The following FBXO40 variants were observed in gnomAD, a reference collection of about 807,000 sequenced individuals.
FBXO40 encodes the protein F-box protein 40.
A neutral mutation model predicts 49.9 loss-of-function variants in FBXO40; 50 were observed. The observed-to-expected ratio is 1.00, with a 90% confidence interval of 0.80 to 1.27. The LOEUF (loss-of-function observed/expected upper bound fraction) is 1.27. FBXO40 is among the 50% of genes most tolerant of loss of function. FBXO40 has a pLI of 0.00. For synonymous variants in FBXO40, 340 were observed against 320.2 expected (o/e 1.06, Z -0.66); for missense variants, 895 against 870.1 (o/e 1.03, Z -0.36).
intron 2 of FBXO40, 86 bp from the exon 3 acceptor site, chr3:121,621,347 T>C (rs1208961718): frequency 2.5e-6 from 3 of 1,208,698 alleles, no homozygotes; most frequent in African/African-American, 1.5e-5. Flanking sequence ...ACAGGAAATA[T>C]GTCAATTAAA....
chr3:121,618,507 C>T (rs2108850002), intron 1 of FBXO40, among the ~76,000 whole-genome samples: 1 of 151,570 alleles, frequency 6.6e-6, no homozygotes, highest in South Asian at 2.1e-4. Context: ...CTGCCTCAGC[C>T]TCCCGAGTAG....
intron 1 of FBXO40, among the ~76,000 whole-genome samples, chr3:121,612,584 CAT>C (rs2048972026): frequency 6.6e-6 from 1 of 152,112 alleles, no homozygotes; most frequent in Non-Finnish European, 1.5e-5. Context: ...TTCTATCAAA[CAT>C]ATACAAGCGT....
chr3:121,623,816 G>A (rs1481472524), intron 3 of FBXO40, among the ~76,000 whole-genome samples: 2 of 149,924 alleles, frequency 1.3e-5, no homozygotes, highest in South Asian at 2.1e-4. Context: ...AGCCTCCCAA[G>A]TAGCTGGGAT....
Position 121,626,827 on chromosome 3 carries a change from A to G in FBXO40, c.2047A>G (p.Ser683Gly), listed in dbSNP as rs2049064006. The stretch of plus-strand genomic sequence containing the variant: ...CAAAACTGACCCGATTCTTTTGACT[A>G]GCATGTGTCAGCCCCGTGAGCAGGC... ...EHKTDPILLT[S>G]MCQPREQARE... Residue 683 changes from serine to glycine, a missense_variant, in exon 4 of 4, where the codon AGC becomes GGC. Transcript: ENST00000338040. 2 of 1,614,056 alleles carry G rather than the reference A, an allele frequency of 1.2e-6. No homozygotes were observed. Among genetic ancestry groups the G allele is most frequent in the Non-Finnish European group, 1.7e-6 (2 of 1,180,026 alleles).
chr3:121,607,517 G>A (rs1015670620), intron 1 of FBXO40, among the ~76,000 whole-genome samples: 1 of 151,744 alleles, frequency 6.6e-6, no homozygotes, highest in Non-Finnish European at 1.5e-5. Context: ...CACTGTGTTA[G>A]CCAGGATGGT....
At chr3:121,612,081 ATC>A (rs2048969263) in intron 1 of FBXO40, among the ~76,000 whole-genome samples, 1 of 152,168 alleles carries the variant, frequency 6.6e-6, no homozygotes, top group East Asian at 1.9e-4. Flanking sequence ...TAACAGTCTG[ATC>A]TCTCTTTCTT....
At chr3:121,594,791 T>C (rs1408834701) in intron 1 of FBXO40, among the ~76,000 whole-genome samples, 2 of 152,218 alleles carry the variant, frequency 1.3e-5, no homozygotes, top group African/African-American at 4.8e-5. Flanking sequence ...GAAAAACTTA[T>C]ATAGGCTTAT....
chr3:121,596,448 A>G (rs1412143690), intron 1 of FBXO40, among the ~76,000 whole-genome samples: 1 of 152,254 alleles, frequency 6.6e-6, no homozygotes, highest in Non-Finnish European at 1.5e-5. Context: ...TCCTTAGACC[A>G]TCAGCTTCAT....
Position 121,622,066 on chromosome 3 carries a change from G to A in FBXO40, c.637G>A (p.Val213Ile). ...CAAAACCAAAGAAGGGATGGACCTG[G>A]TCAAGTTTGGCCAGTGGGAAAATAT... ...LAKTKEGMDL[V>I]KFGQWENIFS... The change falls in exon 3 of 4, where the codon GTC (valine) becomes ATC (isoleucine). Residue 213 changes from valine (V) to isoleucine (I), a missense_variant. Physicochemically the swap from Val to Ile is conservative, Grantham distance 29. Coordinates refer to ENST00000338040, the MANE Select transcript of FBXO40 (RefSeq NM_016298.4). 2.5e-6 allele frequency: 4 copies of A among 1,614,218 alleles called. No individual in the cohort carries two copies. The highest frequency in any genetic ancestry group is 1.6e-4 in the Middle Eastern group (1 of 6,062).
At chr3:121,619,164 TA>T (rs1356828883) in intron 1 of FBXO40, among the ~76,000 whole-genome samples, 1 of 144,448 alleles carries the variant, frequency 6.9e-6, no homozygotes, top group Non-Finnish European at 1.6e-5. Flanking sequence ...CATGCCCCGC[TA>T]ATTTTTTAAC....
At chr3:121,597,659 C>T (rs4676733) in intron 1 of FBXO40, among the ~76,000 whole-genome samples, 59,723 of 124,894 alleles carry the variant, frequency 0.48, 14,512 homozygotes, top group East Asian at 0.73. Context: ...TATAGGCCCC[C>T]TTTTTTTTTT....
intron 1 of FBXO40, among the ~76,000 whole-genome samples, chr3:121,601,095 T>A (rs1391191157): frequency 2.0e-5 from 3 of 152,206 alleles, no homozygotes; most frequent in African/African-American, 7.2e-5. Flanking sequence ...GGACTTTCAG[T>A]GCTAAACCAG....
chr3:121,627,082 C>T lies in FBXO40; in HGVS notation c.*172C>T. 1.6e-6 allele frequency: 1 copy of T among 617,416 alleles called. No individual in the cohort carries two copies. The highest frequency in any genetic ancestry group is 2.9e-6 in the Non-Finnish European group (1 of 349,574). 38.2% of individuals were successfully genotyped at this position (617,416 alleles called of 1,614,324 possible). A position where few individuals can be genotyped will look rare whatever the true frequency, so the allele number is the denominator to read the frequency against. On this transcript the variant is annotated 3_prime_UTR_variant, in exon 4 of 4. Transcript: ENST00000338040. ...CCTCAACACGAGGCCTAAGAATTTC[C>T]TAAGCCATGTCTTGTACCATAGTGC...
intron 1 of FBXO40, among the ~76,000 whole-genome samples, chr3:121,602,999 G>C (rs1448247841): frequency 6.6e-6 from 1 of 152,174 alleles, no homozygotes; most frequent in East Asian, 1.9e-4. Context: ...TTGGAGACTG[G>C]AAAAGCCAAG....
Position 121,623,099 on chromosome 3 carries a change from G to T in FBXO40, c.1670G>T (p.Arg557Met), listed in dbSNP as rs2049043481. The part of the protein sequence containing the change: ...PEVAPELSEG[R>M]KNNHLLGHGG... ...GTTGCTCCAGAGCTGAGCGAGGGAA[G>T]GAAGAACAACCATCTTTTGGGTCAT... The change falls in exon 3 of 4, where the codon AGG becomes ATG. Residue 557 changes from arginine (R) to methionine (M), a missense_variant. By Grantham distance (91) the Arg-to-Met change is moderately conservative. Coordinates refer to ENST00000338040, the MANE Select transcript of FBXO40 (RefSeq NM_016298.4). 1 of 1,614,092 alleles carries T rather than the reference G, an allele frequency of 6.2e-7. No homozygotes were observed. The highest frequency in any genetic ancestry group is 1.3e-5 in the African/African-American group (1 of 74,926).
rs2178313 is a variant in FBXO40, at chr3:121,627,753, C to T, written c.*843C>T. 0.048 allele frequency: 18,985 copies of T among 398,288 alleles called. 604 individuals carry two copies. Among genetic ancestry groups the T allele is most frequent in the Non-Finnish European group, 0.061 (13,853 of 225,994 alleles). The allele number at this position is 398,288 out of a possible 1,614,324, so 24.7% of individuals were successfully genotyped here. On this transcript the variant is annotated 3_prime_UTR_variant, in exon 4 of 4. Coordinates refer to ENST00000338040, the MANE Select transcript of FBXO40 (RefSeq NM_016298.4). ...TGAGTTAGGCAGAACATAGCCATGGCCCTGGGCCACCCTGTGCTATCTGAA... is the reference window on the plus strand; with the variant it reads ...TGAGTTAGGCAGAACATAGCCATGGTCCTGGGCCACCCTGTGCTATCTGAA...
In FBXO40 at chr3:121,623,115, T is replaced by G; in HGVS notation, c.1686T>G (p.Leu562=). ...ELSEGRKNNH[L]LGHGGKSQNS... is the part of the protein sequence containing the mutation. ...GCGAGGGAAGGAAGAACAACCATCT[T>G]TTGGGTCATGGAGGAAAAAGCCAGA... Residue 562 remains leucine, a synonymous_variant, in exon 3 of 4, where the codon CTT becomes CTG. Coordinates refer to ENST00000338040, the MANE Select transcript of FBXO40 (RefSeq NM_016298.4). 6.2e-7 allele frequency: 1 copy of G among 1,614,174 alleles called. No individual in the cohort carries two copies. The highest frequency in any genetic ancestry group is 8.5e-7 in the Non-Finnish European group (1 of 1,180,018).
chr3:121,611,457 C>T (rs970850151), intron 1 of FBXO40, among the ~76,000 whole-genome samples: 5 of 152,156 alleles, frequency 3.3e-5, no homozygotes, highest in African/African-American at 9.7e-5. Context: ...TTCTCTCCAC[C>T]CAAACATCTC....
intron 3 of FBXO40, among the ~76,000 whole-genome samples, chr3:121,623,846 AC>A (rs973052415): frequency 1.8e-4 from 27 of 149,090 alleles, no homozygotes; most frequent in African/African-American, 6.4e-4. Context: ...GCACTGTCAC[AC>A]CCAGCTAATT....
Sources: gnomAD v4.1 joint callset for allele counts (sites outside exome capture counted in the v4.1 genomes callset) on GRCh38, gnomAD v4.1.1 for gene constraint, MANE v1.5 for transcripts, NCBI Gene and HGNC (gene_info 2026-07-23, HGNC 2026-07-21) for gene names.